SUGCT: variants seen among roughly 807,000 people sequenced by gnomAD.
SUGCT encodes succinyl-CoA:glutarate CoA-transferase.
SUGCT carries 41 observed loss-of-function variants against 55.0 expected under a neutral mutation model. The ratio of observed to expected loss-of-function variants is 0.74; its 90% CI spans 0.58 to 0.97. SUGCT has a LOEUF of 0.97. Ranked by LOEUF, SUGCT falls within the 50% of genes least tolerant of loss-of-function variation. The pLI is 0.00. For synonymous variants in SUGCT, 187 were observed against 200.4 expected (o/e 0.93, Z 0.56); for missense variants, 568 against 547.8 (o/e 1.04, Z -0.37).
chr7:40,165,923 C>A (rs1408988943), intron 1 of SUGCT, among the ~76,000 whole-genome samples: 1 of 152,104 alleles, frequency 6.6e-6, no homozygotes, highest in Non-Finnish European at 1.5e-5. Flanking sequence ...AATTAAAGAC[C>A]AGCCTGGCCA....
At chr7:40,900,761 G>C in the SUGCT span, among the ~76,000 whole-genome samples, 1 of 152,378 alleles carries the variant, frequency 6.6e-6, no homozygotes, top group Non-Finnish European at 1.5e-5. Context: ...AGGAACTTAG[G>C]ACAGAGTAAG....
At chr7:40,153,286 AGT>A in intron 1 of SUGCT, 1 of 401,524 alleles carries the variant, frequency 2.5e-6, no homozygotes, top group Non-Finnish European at 4.8e-6. Flanking sequence ...CTGAGCCTCA[AGT>A]GTAAAGTTTA....
chr7:40,263,958 T>C (rs1392037236), intron 7 of SUGCT, among the ~76,000 whole-genome samples: 2 of 152,076 alleles, frequency 1.3e-5, no homozygotes, highest in Non-Finnish European at 2.9e-5. Context: ...GGTGTATGGG[T>C]GAAAGCTTCA....
intron 1 of SUGCT, among the ~76,000 whole-genome samples, chr7:40,145,443 A>C (rs997058255): frequency 5.3e-5 from 8 of 151,878 alleles, no homozygotes; most frequent in African/African-American, 1.9e-4. Context: ...TTAAACAACC[A>C]GTTAATTTAT....
At chr7:40,540,156 A>G (rs560702803) in intron 12 of SUGCT, among the ~76,000 whole-genome samples, 51 of 151,814 alleles carry the variant, frequency 3.4e-4, no homozygotes, top group Middle Eastern at 3.4e-3. Flanking sequence ...AAGTATAGGC[A>G]TGTCTTTTCA....
the SUGCT span, among the ~76,000 whole-genome samples, chr7:40,986,615 A>C: frequency 1.1e-4 from 16 of 152,322 alleles, no homozygotes; most frequent in Admixed American, 9.1e-4. Flanking sequence ...CTGTAATTCT[A>C]AGGAAAACAT....
intron 12 of SUGCT, among the ~76,000 whole-genome samples, chr7:40,591,184 T>C (rs1278881890): frequency 1.3e-5 from 2 of 152,194 alleles, no homozygotes; most frequent in African/African-American, 4.8e-5. Flanking sequence ...TCGTGATTCA[T>C]AGGAGGAGGT....
the SUGCT span, among the ~76,000 whole-genome samples, chr7:40,926,283 C>G: frequency 6.6e-6 from 1 of 151,908 alleles, no homozygotes; most frequent in Admixed American, 6.6e-5. Flanking sequence ...TAGAAACTAA[C>G]TCTTGAGAAT....
At chr7:40,200,446 G>T (rs1048118484) in intron 6 of SUGCT, among the ~76,000 whole-genome samples, 1 of 152,104 alleles carries the variant, frequency 6.6e-6, no homozygotes, top group Admixed American at 6.6e-5. Flanking sequence ...TTTGAGGGGG[G>T]TAACATTTAA....
At chr7:40,267,041 A>C (rs199733861) in intron 7 of SUGCT, among the ~76,000 whole-genome samples, 3 of 79,906 alleles carry the variant, frequency 3.8e-5, no homozygotes, top group African/African-American at 4.5e-5. Flanking sequence ...AACAAACAAA[A>C]AAAAAAAAGG....
At chr7:40,272,620 G>A (rs1792150864) in intron 7 of SUGCT, among the ~76,000 whole-genome samples, 1 of 150,732 alleles carries the variant, frequency 6.6e-6, no homozygotes, top group African/African-American at 2.4e-5. Flanking sequence ...CTACCCAGCT[G>A]TGGAATTGCT....
intron 1 of SUGCT, among the ~76,000 whole-genome samples, chr7:40,172,774 C>T (rs561911514): frequency 6.6e-6 from 1 of 152,230 alleles, no homozygotes; most frequent in South Asian, 2.1e-4. Context: ...GAAGCTGGTT[C>T]CAGGCAGACC....
At chr7:40,151,881 C>G (rs1384907285) in intron 1 of SUGCT, among the ~76,000 whole-genome samples, 1 of 152,100 alleles carries the variant, frequency 6.6e-6, no homozygotes, top group Non-Finnish European at 1.5e-5. Context: ...GATAACTTGG[C>G]AGGTTGGGAG....
At chr7:40,766,795 T>C (rs1056251901) in intron 13 of SUGCT, among the ~76,000 whole-genome samples, 2 of 152,184 alleles carry the variant, frequency 1.3e-5, no homozygotes, top group African/African-American at 4.8e-5. Flanking sequence ...GGATATGTGT[T>C]CACGTGACAT....
At chr7:40,636,455 A>G (rs1008170061) in intron 12 of SUGCT, among the ~76,000 whole-genome samples, 6 of 152,186 alleles carry the variant, frequency 3.9e-5, no homozygotes, top group African/African-American at 1.4e-4. Flanking sequence ...CATTCTATTC[A>G]TTAGGAATGT....
At chr7:40,265,614 T>C (rs1584505026) in intron 7 of SUGCT, among the ~76,000 whole-genome samples, 1 of 152,132 alleles carries the variant, frequency 6.6e-6, no homozygotes, top group Non-Finnish European at 1.5e-5. Context: ...TTTTAAAATA[T>C]TTAATTTTGT....
intron 12 of SUGCT, among the ~76,000 whole-genome samples, chr7:40,544,037 A>G (rs1425076212): frequency 6.6e-6 from 1 of 152,124 alleles, no homozygotes. Flanking sequence ...GGAGTAATGT[A>G]ATATTAAAAA....
rs1339731304 is a variant in SUGCT, at chr7:40,682,244, A to G, written c.1090-67190A>G. On this transcript the variant is annotated intron_variant, in intron 12 of 13. Coordinates refer to ENST00000335693, the MANE Select transcript of SUGCT (RefSeq NM_001193313.2). ...ATGGAAGCTCTGTGTCCCTTCTCCC[A>G]TTCCCCACCCTATACATCTCTTTCA... Among the ~76,000 whole-genome samples, 3 of 152,236 alleles carry G rather than the reference A, an allele frequency of 2.0e-5. No individual in the cohort carries two copies. The East Asian group carries it at 5.8e-4, about 29-fold the overall frequency.
intron 12 of SUGCT, among the ~76,000 whole-genome samples, chr7:40,737,942 A>G (rs1385403338): frequency 6.6e-6 from 1 of 151,732 alleles, no homozygotes; most frequent in Admixed American, 6.6e-5. Flanking sequence ...ACAAAAAAAA[A>G]GGCCGGGCGC....
Sources: allele counts gnomAD v4.1 joint callset (sites outside exome capture counted in the v4.1 genomes callset), GRCh38; gene constraint gnomAD v4.1.1; transcripts MANE v1.5; gene names NCBI Gene and HGNC (gene_info 2026-07-23, HGNC 2026-07-21).